The following GDI2 variants were observed in gnomAD, a reference collection of about 807,000 sequenced individuals.
The protein encoded by GDI2 is GDP dissociation inhibitor 2, also known as rab GDP dissociation inhibitor beta.
A neutral mutation model predicts 54.2 loss-of-function variants in GDI2; 22 were observed. The observed-to-expected ratio is 0.41, with a 90% CI of 0.29 to 0.58. The LOEUF (loss-of-function observed/expected upper bound fraction) is 0.58, where lower values mean the gene tolerates loss of function less well. Among genes scored for constraint, GDI2 ranks in the 20% least tolerant of loss-of-function variants. GDI2 has a pLI of 0.35. For missense variants in GDI2, 422 were observed against 546.0 expected, an observed-to-expected ratio of 0.77 and a Z score of 2.26; for synonymous variants, 177 against 182.1, an observed-to-expected ratio of 0.97 and a Z score of 0.23.
chr10:5,781,486 G>A (rs1294628964), intron 6 of GDI2, among the ~76,000 whole-genome samples: 1 of 151,792 alleles, frequency 6.6e-6, no homozygotes, highest in Non-Finnish European at 1.5e-5. Context: ...TTAGCCGGGC[G>A]CGGTGGCAGG....
intron 7 of GDI2, among the ~76,000 whole-genome samples, chr10:5,771,677 G>T (rs1285204190): frequency 2.0e-5 from 3 of 151,962 alleles, no homozygotes; most frequent in Non-Finnish European, 2.9e-5. Context: ...AACTTGAATT[G>T]CAAGATAAAT....
intron 2 of GDI2, among the ~76,000 whole-genome samples, chr10:5,798,303 T>C (rs1194750725): frequency 6.6e-6 from 1 of 152,150 alleles, no homozygotes; most frequent in Admixed American, 6.5e-5. Context: ...CAATAAAAAT[T>C]CTGGCTGGGT....
chr10:5,797,231 T>A (rs1367129954), intron 2 of GDI2, among the ~76,000 whole-genome samples: 1 of 151,716 alleles, frequency 6.6e-6, no homozygotes, highest in South Asian at 2.1e-4. Context: ...ACCAACATAG[T>A]GAAACCCCGT....
At chr10:5,812,973 C>G (rs1450962510) in intron 1 of GDI2, among the ~76,000 whole-genome samples, 1 of 152,216 alleles carries the variant, frequency 6.6e-6, no homozygotes, top group Non-Finnish European at 1.5e-5. Flanking sequence ...CACCCCGCCC[C>G]GAGCCTCACG....
chr10:5,809,703 G>A (rs1203843077), intron 1 of GDI2, among the ~76,000 whole-genome samples: 5 of 152,138 alleles, frequency 3.3e-5, no homozygotes, highest in Non-Finnish European at 7.4e-5. Context: ...GATCACAATA[G>A]TCACTGGGTT....
chr10:5,792,699 A>C (rs927954422), intron 4 of GDI2, among the ~76,000 whole-genome samples: 2 of 151,848 alleles, frequency 1.3e-5, no homozygotes, highest in African/African-American at 4.8e-5. Flanking sequence ...AAAAAAAAAA[A>C]AAACAGAAGA....
chr10:5,806,444 G>A (rs1437870491), intron 1 of GDI2, among the ~76,000 whole-genome samples: 2 of 151,030 alleles, frequency 1.3e-5, no homozygotes, highest in Non-Finnish European at 2.9e-5. Flanking sequence ...TGATGATCAA[G>A]CTAAGTGATA....
intron 4 of GDI2, among the ~76,000 whole-genome samples, chr10:5,789,799 G>C (rs149337923): frequency 6.6e-6 from 1 of 152,180 alleles, no homozygotes; most frequent in African/African-American, 2.4e-5. Flanking sequence ...TGTAAACAAA[G>C]AAAGATGTAG....
intron 7 of GDI2, among the ~76,000 whole-genome samples, chr10:5,771,147 T>G (rs1840481519): frequency 6.6e-6 from 1 of 152,116 alleles, no homozygotes; most frequent in Non-Finnish European, 1.5e-5. Flanking sequence ...GTCAAGGTAA[T>G]TATTAAACTG....
At chr10:5,792,954 T>G (rs560518488) in intron 4 of GDI2, among the ~76,000 whole-genome samples, 1 of 141,216 alleles carries the variant, frequency 7.1e-6, no homozygotes, top group African/African-American at 2.7e-5. Flanking sequence ...CCCACGACCT[T>G]TGTCCAAAAA....
At chr10:5,799,083 T>C (rs1841208989) in intron 2 of GDI2, among the ~76,000 whole-genome samples, 1 of 152,174 alleles carries the variant, frequency 6.6e-6, no homozygotes, top group African/African-American at 2.4e-5. Context: ...GGCTCTCACC[T>C]ATAATCCCAA....
At chr10:5,779,648 T>C (rs778446354) in intron 6 of GDI2, among the ~76,000 whole-genome samples, 5 of 151,158 alleles carry the variant, frequency 3.3e-5, no homozygotes, top group Non-Finnish European at 7.4e-5. Flanking sequence ...TGAACAGGCA[T>C]TCTCCGATAT....
chr10:5,804,555 T>C (rs182865599), intron 1 of GDI2, among the ~76,000 whole-genome samples: 18 of 152,316 alleles, frequency 1.2e-4, no homozygotes, highest in Admixed American at 1.2e-3. Context: ...AATCTAATCA[T>C]GTGTATTAAC....
intron 6 of GDI2, among the ~76,000 whole-genome samples, chr10:5,780,532 G>GA (rs1247660350): frequency 1.5e-5 from 1 of 68,736 alleles, no homozygotes; most frequent in African/African-American, 4.1e-5. Context: ...TATAAAACTA[G>GA]AAAAACTAGT....
chr10:5,765,889 C>T lies in GDI2; in HGVS notation c.*117G>A, dbSNP rs776523477. 11 of 740,356 alleles carry T rather than the reference C, an allele frequency of 1.5e-5. No individual in the cohort carries two copies. Among genetic ancestry groups the T allele is most frequent in the East Asian group, 2.6e-5 (1 of 37,996 alleles). The allele number at this position is 740,356 out of a possible 1,614,324, so 45.9% of individuals were successfully genotyped here. On this transcript the variant is annotated 3_prime_UTR_variant, in exon 11 of 11. Transcript: ENST00000380191. ...TGAAGGGGAGTATTTACTGGCACAG[C>T]GCTCTTCATTCTCTCCATTTTCATT...
rs1177402754 is a variant in GDI2, at chr10:5,766,105, C to A, written c.1239G>T (p.Thr413=). 6 of 1,612,398 alleles carry A rather than the reference C, an allele frequency of 3.7e-6. No individual in the cohort carries two copies. Among genetic ancestry groups the A allele is most frequent in the Non-Finnish European group, 5.1e-6 (6 of 1,178,946 alleles). The change falls in exon 11 of 11, where the codon ACG becomes ACT. Residue 413 remains threonine, a synonymous_variant. Transcript: ENST00000380191. This position sits in a 1 kb window ranked among gnomAD's most constrained non-coding sequence, Gnocchi z 5.8. ...TYDATTHFET[T]CDDIKNIYKR... ...TATAGATGTTTTTAATGTCATCACACGTTGTCTCAAAATGAGTGGTGGCAT... is the reference window on the plus strand; with the variant it reads ...TATAGATGTTTTTAATGTCATCACAAGTTGTCTCAAAATGAGTGGTGGCAT...
intron 4 of GDI2, among the ~76,000 whole-genome samples, chr10:5,787,753 T>C (rs1484220171): frequency 6.6e-6 from 1 of 152,212 alleles, no homozygotes; most frequent in Non-Finnish European, 1.5e-5. Context: ...AAAACTTAGG[T>C]ATCATATTCC....
At chr10:5,775,419 C>T (rs778628736) in intron 6 of GDI2, among the ~76,000 whole-genome samples, 18 of 152,182 alleles carry the variant, frequency 1.2e-4, no homozygotes, top group Admixed American at 6.5e-5. Flanking sequence ...ATATGGTTTT[C>T]CCCTCAGGCA....
chr10:5,792,497 T>C (rs898488195), intron 4 of GDI2, among the ~76,000 whole-genome samples: 1 of 152,216 alleles, frequency 6.6e-6, no homozygotes, highest in Admixed American at 6.5e-5. Context: ...TCCTTCATTC[T>C]GCCTAGAATT....
Sources: allele counts gnomAD v4.1 joint callset (sites outside exome capture counted in the v4.1 genomes callset), GRCh38; gene constraint gnomAD v4.1.1; non-coding constraint Gnocchi (gnomAD v3.1); transcripts MANE v1.5; gene names NCBI Gene and HGNC (gene_info 2026-07-23, HGNC 2026-07-21).